The following EHD3 variants were observed in gnomAD, a reference collection of about 807,000 sequenced individuals.
The protein encoded by EHD3 is EH domain containing 3.
Under a neutral mutation model 43.0 loss-of-function variants are expected in EHD3, and 17 were observed. That is an observed-to-expected ratio of 0.40 (90% CI 0.27 to 0.59). The LOEUF (loss-of-function observed/expected upper bound fraction) is 0.59. Ranked by LOEUF, EHD3 falls within the 20% of genes least tolerant of loss-of-function variation. EHD3 has a pLI of 0.49. For synonymous variants in EHD3, 313 were observed against 289.5 expected (o/e 1.08, Z -0.82); for missense variants, 594 against 705.6 (o/e 0.84, Z 1.79).
At position 31,254,519 on chromosome 2, in the gene EHD3, C is replaced by T. The variant is rs141924447; in HGVS notation, c.502+5051C>T. ...CTTTGCCGTTACTTCTGGGAAGCAT[C>T]TAATGTGGCATTTCTTCCCCGTTGT... On this transcript the variant is annotated intron_variant, in intron 3 of 5. Transcript: ENST00000322054. Among the ~76,000 whole-genome samples the T allele has an allele frequency of 8.1e-3, 1,235 of 152,362 alleles. 12 individuals carry two copies. The highest frequency in any genetic ancestry group is 0.011 in the Non-Finnish European group (763 of 68,028).
chr2:31,253,822 G>C (rs775768255), intron 3 of EHD3, among the ~76,000 whole-genome samples: 16 of 152,178 alleles, frequency 1.1e-4, no homozygotes, highest in Non-Finnish European at 2.2e-4. Flanking sequence ...AGATGCATTG[G>C]GGTGGGCAGG....
Position 31,267,850 on chromosome 2 carries a change from C to G in EHD3, c.*1146C>G, listed in dbSNP as rs630359. ...AGGAGGGCCGGCCAGCATTTGGTGG[C>G]CCATCAGTCTGGCCATCTGTCACGT... On this transcript the variant is annotated 3_prime_UTR_variant, in exon 6 of 6. Coordinates refer to ENST00000322054, the MANE Select transcript of EHD3 (RefSeq NM_014600.3). 0.84 allele frequency: 128,140 copies of G among 152,286 alleles called. 54,429 individuals are homozygous for G. The highest frequency in any genetic ancestry group is 0.95 in the African/African-American group (39,674 of 41,572). The allele number at this position is 152,286 out of a possible 1,614,324, so 9.4% of individuals were successfully genotyped here.
chr2:31,245,367 G>C (rs1405336756), intron 2 of EHD3, among the ~76,000 whole-genome samples: 2 of 151,818 alleles, frequency 1.3e-5, no homozygotes, highest in Non-Finnish European at 2.9e-5. Context: ...TTCGTGCCTG[G>C]CACATAGTAA....
At chr2:31,239,546 G>T (rs1393986180) in intron 1 of EHD3, among the ~76,000 whole-genome samples, 1 of 152,082 alleles carries the variant, frequency 6.6e-6, no homozygotes, top group African/African-American at 2.4e-5. Context: ...TTGGGGAAAG[G>T]TCTCCCTCCC....
At chr2:31,258,101 G>A (rs592039) in intron 3 of EHD3, among the ~76,000 whole-genome samples, 118,315 of 152,132 alleles carry the variant, frequency 0.78, 46,489 homozygotes, top group East Asian at 0.94. Flanking sequence ...TTGAGCAGCT[G>A]ACAGATCTTG....
chr2:31,234,555 C>T lies in EHD3; in HGVS notation c.-67C>T. The T allele has an allele frequency of 6.4e-7, 1 of 1,567,878 alleles. No homozygotes were observed. Among genetic ancestry groups the T allele is most frequent in the Non-Finnish European group, 8.7e-7 (1 of 1,149,646 alleles). On this transcript the variant is annotated 5_prime_UTR_variant, in exon 1 of 6. In the 5' UTR this introduces an upstream ATG that the reference lacks. Coordinates refer to ENST00000322054, the MANE Select transcript of EHD3 (RefSeq NM_014600.3). The stretch of plus-strand genomic sequence containing the variant: ...CTCGGAGCCCGGCGGACCGGTCCTA[C>T]GGGACATCTTCCCCTGAGGAGGAGT...
intron 5 of EHD3, among the ~76,000 whole-genome samples, chr2:31,263,630 C>T (rs1253274019): frequency 6.6e-6 from 1 of 152,184 alleles, no homozygotes; most frequent in Non-Finnish European, 1.5e-5. Flanking sequence ...GTCTGCTCCT[C>T]CTCCAGGAGT....
chr2:31,236,923 G>T (rs192218971), intron 1 of EHD3, among the ~76,000 whole-genome samples: 139 of 152,340 alleles, frequency 9.1e-4, no homozygotes, highest in African/African-American at 3.3e-3. Context: ...GTCTAAGAAA[G>T]TGGCAGAGTC....
intron 1 of EHD3, among the ~76,000 whole-genome samples, chr2:31,238,055 A>AG (rs1402341986): frequency 6.6e-6 from 1 of 152,048 alleles, no homozygotes; most frequent in African/African-American, 2.4e-5. Context: ...GCTAGGCCAA[A>AG]GGTTGGGCAG....
chr2:31,241,919 G>C (rs900377149), intron 1 of EHD3, among the ~76,000 whole-genome samples: 4 of 152,202 alleles, frequency 2.6e-5, no homozygotes, highest in Middle Eastern at 6.3e-3. Context: ...CTGACCAGGG[G>C]AAATCCTGCC....
chr2:31,266,904 G>T lies in EHD3; in HGVS notation c.*200G>T. The T allele has an allele frequency of 1.5e-6, 1 of 647,788 alleles. No homozygotes were observed. The highest frequency in any genetic ancestry group is 2.2e-5 in the South Asian group (1 of 44,676). 40.1% of individuals were successfully genotyped at this position (647,788 alleles called of 1,614,324 possible). A position where few individuals can be genotyped will look rare whatever the true frequency, so the allele number is the denominator to read the frequency against. ...GTTTGGGCACACCTCCAAGTTCTCG[G>T]GATTAGAAGGACAAGAGCACTCCCA... is the stretch of plus-strand genomic sequence containing the variant. On this transcript the variant is annotated 3_prime_UTR_variant, in exon 6 of 6. Coordinates refer to ENST00000322054, the MANE Select transcript of EHD3 (RefSeq NM_014600.3). The surrounding 1 kb of genome is among the most constrained non-coding windows in gnomAD (Gnocchi z 5.1).
At position 31,249,381 on chromosome 2, in the gene EHD3, G is replaced by T. The variant is rs774485897; in HGVS notation, c.415G>T (p.Ala139Ser). The change falls in exon 3 of 6, where the codon GCC becomes TCC. Residue 139 changes from alanine to serine, a missense_variant. Around this residue, in one of 3 missense-constraint regions of EHD3, gnomAD observed 243 missense variants for 296.7 expected, o/e 0.82. Transcript: ENST00000322054. ...GNAFLNRFVC[A>S]QLPNPVLESI... ...CCTCTGCCCATGCAGGTTCGTGTGT[G>T]CCCAGCTACCTAACCCTGTGCTGGA... The T allele has an allele frequency of 6.2e-7, 1 of 1,614,132 alleles. No individual in the cohort carries two copies. The highest frequency in any genetic ancestry group is 1.3e-5 in the African/African-American group (1 of 75,060).
rs1197276972 is a variant in EHD3, at chr2:31,249,396, C to T, written c.430C>T (p.Pro144Ser). The T allele has an allele frequency of 6.2e-7, 1 of 1,614,036 alleles. No homozygotes were observed. Among genetic ancestry groups the T allele is most frequent in the Non-Finnish European group, 8.5e-7 (1 of 1,180,006 alleles). Residue 144 changes from proline (P) to serine (S), a missense_variant, in exon 3 of 6, where the codon CCT (proline) becomes TCT (serine). Physicochemically the swap from Pro to Ser is moderately conservative, Grantham distance 74 (BLOSUM62 -1). Around this residue, in one of 3 missense-constraint regions of EHD3, gnomAD observed 243 missense variants for 296.7 expected, o/e 0.82. Transcript: ENST00000322054. Reference protein sequence around the residue: ...NRFVCAQLPNPVLESISVIDT... With the variant: ...NRFVCAQLPNSVLESISVIDT... ...GTTCGTGTGTGCCCAGCTACCTAACCCTGTGCTGGAGAGCATCAGCGTCAT... is the reference window on the plus strand; with the variant it reads ...GTTCGTGTGTGCCCAGCTACCTAACTCTGTGCTGGAGAGCATCAGCGTCAT...
At chr2:31,245,528 A>AATATATATATATATATAT (rs775189280) in intron 2 of EHD3, among the ~76,000 whole-genome samples, 7 of 75,040 alleles carry the variant, frequency 9.3e-5, no homozygotes, top group East Asian at 4.5e-4. Context: ...TCTTATCCCA[A>AATATATATATATATATAT]ATATATATAT....
chr2:31,265,919 C>T (rs1490958937), intron 5 of EHD3, among the ~76,000 whole-genome samples: 6 of 152,090 alleles, frequency 3.9e-5, no homozygotes, highest in Non-Finnish European at 8.8e-5. Context: ...GTTAAATTTC[C>T]CTTTCTTCCC....
In EHD3 at chr2:31,266,471, G is replaced by A. The variant is rs1683953602; in HGVS notation, c.1375G>A (p.Asp459Asn). 3 of 1,614,206 alleles carry A rather than the reference G, an allele frequency of 1.9e-6. No individual in the cohort carries two copies. Among genetic ancestry groups the A allele is most frequent in the South Asian group, 1.1e-5 (1 of 91,082 alleles). ...DEIFYTLSPV[D>N]GKITGANAKK... ...GATCTTCTACACCCTGTCACCGGTGGATGGCAAGATCACAGGCGCTAATGC... is the reference window on the plus strand; with the variant it reads ...GATCTTCTACACCCTGTCACCGGTGAATGGCAAGATCACAGGCGCTAATGC... Residue 459 changes from aspartate to asparagine, a missense_variant, in exon 6 of 6, where the codon GAT becomes AAT. By Grantham distance (23) the Asp-to-Asn change is conservative. Transcript: ENST00000322054. The surrounding 1 kb of genome is among the most constrained non-coding windows in gnomAD (Gnocchi z 5.1).
At chr2:31,261,061 A>G (rs1450206508) in intron 4 of EHD3, 139 bp downstream of exon 4, 2 of 978,530 alleles carry the variant, frequency 2.0e-6, no homozygotes, top group Non-Finnish European at 3.0e-6. Context: ...TGCGGGAGCC[A>G]TGGTTACAAG....
chr2:31,251,657 G>T (rs1252319685), intron 3 of EHD3, among the ~76,000 whole-genome samples: 2 of 152,074 alleles, frequency 1.3e-5, no homozygotes, highest in African/African-American at 4.8e-5. Context: ...TGATCTCCTG[G>T]CTCCCTATCT....
At chr2:31,244,224 T>C in intron 1 of EHD3, 50 bp from the exon 2 acceptor site, 2 of 1,571,040 alleles carry the variant, frequency 1.3e-6, no homozygotes, top group South Asian at 1.2e-5. Context: ...ACATGCCGTG[T>C]TGATCTTTGC....
Sources: allele counts gnomAD v4.1 joint callset (sites outside exome capture counted in the v4.1 genomes callset), GRCh38; gene constraint gnomAD v4.1.1; regional missense constraint gnomAD v4.1.1; non-coding constraint Gnocchi (gnomAD v3.1); transcripts MANE v1.5; gene names NCBI Gene and HGNC (gene_info 2026-07-23, HGNC 2026-07-21).